NEK11: variants seen among roughly 807,000 people sequenced by gnomAD.
NEK11 encodes NIMA related kinase 11.
NEK11 carries 72 observed loss-of-function variants against 80.7 expected under a neutral mutation model. That is an observed-to-expected ratio of 0.89 (90% CI 0.74 to 1.08). The LOEUF is 1.08. Among genes scored for constraint, NEK11 ranks in the 50% least tolerant of loss-of-function variants. The pLI is 0.00. For missense variants in NEK11, 764 were observed against 763.6 expected (o/e 1.00, Z -0.01); for synonymous variants, 251 against 260.7 (o/e 0.96, Z 0.36).
At chr3:131,114,376 T>C (rs1340431586) in intron 5 of NEK11, among the ~76,000 whole-genome samples, 1 of 152,220 alleles carries the variant, frequency 6.6e-6, no homozygotes, top group African/African-American at 2.4e-5. Context: ...GGAGTCATGC[T>C]GTATTAACAA....
intron 17 of NEK11, among the ~76,000 whole-genome samples, chr3:131,282,285 T>TTTTTTTTTTTTTTTTTTGAG (rs2096407696): frequency 6.6e-6 from 1 of 152,102 alleles, no homozygotes; most frequent in African/African-American, 2.4e-5. Context: ...CTGGCATTAT[T>TTTTTTTTTTTTTTTTTTGAG]AATGCCATAG....
At chr3:131,348,590 G>A (rs1487395993) in intron 17 of NEK11, among the ~76,000 whole-genome samples, 1 of 151,576 alleles carries the variant, frequency 6.6e-6, no homozygotes, top group Non-Finnish European at 1.5e-5. Context: ...AACAAAACAT[G>A]TTATGGACCA....
intron 14 of NEK11, among the ~76,000 whole-genome samples, chr3:131,227,475 G>A (rs2095232992): frequency 6.6e-6 from 1 of 152,018 alleles, no homozygotes; most frequent in Non-Finnish European, 1.5e-5. Flanking sequence ...AGCTCTGTGA[G>A]TTTAAGTCTC....
chr3:131,303,682 A>G (rs1265322857), intron 17 of NEK11, among the ~76,000 whole-genome samples: 2 of 152,106 alleles, frequency 1.3e-5, no homozygotes. Context: ...TAGGCCCCCT[A>G]TGTCTTCTGG....
In NEK11 at chr3:131,044,422, C is replaced by CAAAAAA. The variant is rs57412173; in HGVS notation, c.170+14560_170+14565dup. Among the ~76,000 whole-genome samples, 40 of 37,756 alleles carry CAAAAAA rather than the reference C, an allele frequency of 1.1e-3. 2 individuals carry two copies. The highest frequency in any genetic ancestry group is 4.3e-3 in the African/African-American group (28 of 6,564). The allele number at this position is 37,756 out of a possible 152,430, so 24.8% of individuals were successfully genotyped here. On this transcript the variant is annotated intron_variant, in intron 3 of 17. Coordinates refer to ENST00000383366, the MANE Select transcript of NEK11 (RefSeq NM_024800.5). ...GACTATTTACCAAGCAAATGGAAAG[C>CAAAAAA]AAAAAAAAAAAAAAAAAAAAAGGTG...
chr3:131,170,416 T>C (rs2092607479), intron 13 of NEK11, among the ~76,000 whole-genome samples: 1 of 152,178 alleles, frequency 6.6e-6, no homozygotes, highest in African/African-American at 2.4e-5. Flanking sequence ...TGAGCAGGGC[T>C]GGAGTAGGGT....
chr3:131,349,958 G>A lies in NEK11; in HGVS notation c.*182G>A. On this transcript the variant is annotated 3_prime_UTR_variant, in exon 18 of 18. Transcript: ENST00000383366. ...TAGTAAGCATGGCTGCCTATGCTTG[G>A]AGTCATAAGTGTTATTTGGACTATA... The A allele has an allele frequency of 3.3e-6, 2 of 597,552 alleles. No homozygotes were observed. Among genetic ancestry groups the A allele is most frequent in the Non-Finnish European group, 3.0e-6 (1 of 338,230 alleles). The allele number at this position is 597,552 out of a possible 1,614,324, so 37.0% of individuals were successfully genotyped here.
Position 131,127,490 on chromosome 3 carries a change from A to T in NEK11, c.456-5255A>T, listed in dbSNP as rs375918065. Among the ~76,000 whole-genome samples, 34 of 150,718 alleles carry T rather than the reference A, an allele frequency of 2.3e-4. 1 individual carries two copies. The highest frequency in any genetic ancestry group is 1.4e-3 in the East Asian group (7 of 5,156). ...CTAGTGCATATAAAAATATATATAT[A>T]TTTTCTATATAGAAAATATATAGAA... On this transcript the variant is annotated intron_variant, in intron 5 of 17. Coordinates refer to ENST00000383366, the MANE Select transcript of NEK11 (RefSeq NM_024800.5).
intron 16 of NEK11, among the ~76,000 whole-genome samples, chr3:131,245,192 T>G (rs1317092848): frequency 6.6e-6 from 1 of 152,162 alleles, no homozygotes; most frequent in African/African-American, 2.4e-5. Flanking sequence ...CATTGGTATT[T>G]GACATTCTGT....
Position 131,133,809 on chromosome 3 carries a change from A to C in NEK11, c.521-21A>C, listed in dbSNP as rs1356444780. 3.8e-6 allele frequency: 6 copies of C among 1,599,928 alleles called. No homozygotes were observed. The African/African-American group carries it at 6.7e-5, about 18-fold the overall frequency. On this transcript the variant is annotated intron_variant, in intron 6 of 17. Coordinates refer to ENST00000383366, the MANE Select transcript of NEK11 (RefSeq NM_024800.5). ...TTTTCGTTGGCTTAAAGTATTCATA[A>C]AAATTAATTATTATTTCAAGGAGAT...
chr3:131,152,323 G>A (rs1579165546), intron 7 of NEK11, 65 bp from the exon 8 acceptor site: 3 of 1,445,038 alleles, frequency 2.1e-6, no homozygotes, highest in Non-Finnish European at 2.8e-6. Context: ...CTGAGGTTTT[G>A]TATGATGAAA....
At chr3:131,123,207 C>T (rs1055784495) in intron 5 of NEK11, among the ~76,000 whole-genome samples, 2 of 152,108 alleles carry the variant, frequency 1.3e-5, no homozygotes, top group Non-Finnish European at 2.9e-5. Flanking sequence ...TGCTCTGTCA[C>T]TCAGGGTGGA....
chr3:131,248,973 G>T (rs2095652089), intron 16 of NEK11, among the ~76,000 whole-genome samples: 2 of 150,924 alleles, frequency 1.3e-5, no homozygotes, highest in South Asian at 4.2e-4. Flanking sequence ...AGCACTGATT[G>T]AATAGTTAAT....
chr3:131,151,441 C>CA (rs539463737), intron 7 of NEK11, among the ~76,000 whole-genome samples: 2 of 151,994 alleles, frequency 1.3e-5, no homozygotes, highest in African/African-American at 2.4e-5. Context: ...TGAGTACCCA[C>CA]AAAATAGTTC....
chr3:131,329,102 C>T (rs2097027286), intron 17 of NEK11: 1 of 152,156 alleles, frequency 6.6e-6, no homozygotes, highest in South Asian at 2.1e-4. Flanking sequence ...TGTCTAGTCA[C>T]CCAGAAATAT....
chr3:131,116,881 T>C (rs1288224601), intron 5 of NEK11, among the ~76,000 whole-genome samples: 9 of 152,216 alleles, frequency 5.9e-5, no homozygotes, highest in Non-Finnish European at 1.0e-4. Flanking sequence ...TATTAGCCCT[T>C]TGTCAGATGG....
At chr3:131,142,472 C>A (rs2087157082) in intron 7 of NEK11, among the ~76,000 whole-genome samples, 1 of 150,674 alleles carries the variant, frequency 6.6e-6, no homozygotes, top group South Asian at 2.1e-4. Context: ...ATTATTAAAG[C>A]AGTTGGAACA....
intron 17 of NEK11, among the ~76,000 whole-genome samples, chr3:131,303,440 A>G (rs2096684698): frequency 6.6e-6 from 1 of 152,160 alleles, no homozygotes; most frequent in Non-Finnish European, 1.5e-5. Context: ...CTATGTATTT[A>G]AGTGTGCTTT....
chr3:131,197,255 C>G (rs1284523857), intron 14 of NEK11, among the ~76,000 whole-genome samples: 2 of 152,186 alleles, frequency 1.3e-5, no homozygotes, highest in African/African-American at 2.4e-5. Context: ...GATGACTGCT[C>G]TAACTGCTTC....
Sources: gnomAD v4.1 joint callset for allele counts (sites outside exome capture counted in the v4.1 genomes callset) on GRCh38, gnomAD v4.1.1 for gene constraint, MANE v1.5 for transcripts, NCBI Gene and HGNC (gene_info 2026-07-23, HGNC 2026-07-21) for gene names.